The following SLC10A7 variants were observed in gnomAD, a reference collection of about 807,000 sequenced individuals.
SLC10A7 encodes the protein solute carrier family 10 member 7, also known as sodium/bile acid cotransporter 7.
SLC10A7 carries 29 observed loss-of-function variants against 43.2 expected under a neutral mutation model. The ratio of observed to expected loss-of-function variants is 0.67; its 90% CI spans 0.50 to 0.92. SLC10A7 has a LOEUF of 0.92. SLC10A7 is among the 40% of genes least tolerant of loss of function. The pLI is 0.00. For missense variants in SLC10A7, 295 were observed against 403.2 expected, an observed-to-expected ratio of 0.73 and a Z score of 2.30; for synonymous variants, 152 against 144.8, an observed-to-expected ratio of 1.05 and a Z score of -0.35.
intron 5 of SLC10A7, among the ~76,000 whole-genome samples, chr4:146,334,538 T>C (rs1005961958): frequency 6.6e-6 from 1 of 152,052 alleles, no homozygotes; most frequent in Non-Finnish European, 1.5e-5. Flanking sequence ...TGGAGTTCGT[T>C]GTTTTTGGTT....
At chr4:146,365,294 C>A in intron 5 of SLC10A7, among the ~76,000 whole-genome samples, 1 of 152,056 alleles carries the variant, frequency 6.6e-6, no homozygotes, top group East Asian at 1.9e-4. Context: ...CAAATATTTG[C>A]TTTCTTTTTG....
chr4:146,429,032 G>T (rs142009534), intron 5 of SLC10A7, among the ~76,000 whole-genome samples: 2,659 of 151,844 alleles, frequency 0.018, 69 homozygotes, highest in African/African-American at 0.061. Context: ...TTCTTTAGTA[G>T]AAAAAAAATC....
chr4:146,441,644 A>C lies in SLC10A7; in HGVS notation c.435+1139T>G, dbSNP rs765037972. 963 of 958,100 alleles carry C rather than the reference A, an allele frequency of 1.0e-3. 4 individuals are homozygous for C. Among genetic ancestry groups the C allele is most frequent in the Non-Finnish European group, 1.1e-3 (915 of 805,292 alleles). The allele number at this position is 958,100 out of a possible 1,614,324, so 59.3% of individuals were successfully genotyped here. A position where few individuals can be genotyped will look rare whatever the true frequency, so the allele number is the denominator to read the frequency against. On this transcript the variant is annotated intron_variant, in intron 5 of 11. Transcript: ENST00000335472. ...TGACTTAAAATATTACTGAGTCTAA[A>C]CTAAGCAATCCGAGAGATTATTTTT...
At chr4:146,372,686 T>C (rs1024057897) in intron 5 of SLC10A7, among the ~76,000 whole-genome samples, 5 of 152,290 alleles carry the variant, frequency 3.3e-5, no homozygotes, top group Non-Finnish European at 7.3e-5. Context: ...TTAATAAGAT[T>C]ATGTTTTCCT....
chr4:146,509,884 T>C, intron 3 of SLC10A7, 29 bp downstream of exon 3: 1 of 1,599,288 alleles, frequency 6.3e-7, no homozygotes, highest in Non-Finnish European at 8.5e-7. Flanking sequence ...CCATTAAAAG[T>C]GGACCCACTT....
At chr4:146,302,112 G>A (rs1004940743) in intron 7 of SLC10A7, among the ~76,000 whole-genome samples, 1 of 152,100 alleles carries the variant, frequency 6.6e-6, no homozygotes, top group African/African-American at 2.4e-5. Context: ...TATGTTTTAA[G>A]CCAAGCATTT....
chr4:146,360,763 T>G (rs2149762856), intron 5 of SLC10A7, among the ~76,000 whole-genome samples: 2 of 152,268 alleles, frequency 1.3e-5, no homozygotes, highest in South Asian at 4.2e-4. Flanking sequence ...AGCCTCTCTT[T>G]CTTTTTAAAT....
At chr4:146,324,178 A>C (rs953953284) in intron 6 of SLC10A7, among the ~76,000 whole-genome samples, 4 of 152,234 alleles carry the variant, frequency 2.6e-5, no homozygotes, top group African/African-American at 9.6e-5. Flanking sequence ...AAAAGAAGAT[A>C]CAAACAAATG....
chr4:146,277,845 A>C (rs1172505272), intron 10 of SLC10A7, among the ~76,000 whole-genome samples: 2 of 8,552 alleles, frequency 2.3e-4, no homozygotes, highest in Non-Finnish European at 3.1e-4. Flanking sequence ...ATAACTTTTT[A>C]TTTTATTAAT....
At chr4:146,343,623 G>A (rs1734419134) in intron 5 of SLC10A7, among the ~76,000 whole-genome samples, 1 of 151,990 alleles carries the variant, frequency 6.6e-6, no homozygotes, top group African/African-American at 2.4e-5. Context: ...TCCATGATGA[G>A]CTACTGATTT....
intron 6 of SLC10A7, among the ~76,000 whole-genome samples, chr4:146,314,592 G>A (rs1455255834): frequency 6.6e-6 from 1 of 152,110 alleles, no homozygotes; most frequent in Non-Finnish European, 1.5e-5. Context: ...GAGTGGGTGA[G>A]CATGTAGGCC....
intron 9 of SLC10A7, among the ~76,000 whole-genome samples, chr4:146,292,015 G>C (rs1309024974): frequency 6.6e-6 from 1 of 152,220 alleles, no homozygotes; most frequent in African/African-American, 2.4e-5. Flanking sequence ...CCAGGACATG[G>C]AGACTAATTT....
At chr4:146,382,948 G>A (rs147142565) in intron 5 of SLC10A7, among the ~76,000 whole-genome samples, 43 of 151,910 alleles carry the variant, frequency 2.8e-4, no homozygotes, top group Middle Eastern at 3.4e-3. Flanking sequence ...CATCAATATC[G>A]GTGAAACTTT....
chr4:146,320,470 A>T (rs765032460), intron 6 of SLC10A7, among the ~76,000 whole-genome samples: 19 of 152,056 alleles, frequency 1.2e-4, no homozygotes, highest in Non-Finnish European at 2.2e-4. Context: ...TCCAGTGAAG[A>T]ACTTTTGATT....
At position 146,335,251 on chromosome 4, in the gene SLC10A7, T is replaced by TA. The variant is rs34522588; in HGVS notation, c.436-9256dup. Among the ~76,000 whole-genome samples the TA allele has an allele frequency of 2.4e-3, 222 of 92,646 alleles. 4 individuals are homozygous for TA. Among genetic ancestry groups the TA allele is most frequent in the Non-Finnish European group, 3.2e-3 (157 of 48,518 alleles). 60.8% of individuals were successfully genotyped at this position (92,646 alleles called of 152,430 possible). A position where few individuals can be genotyped will look rare whatever the true frequency, so the allele number is the denominator to read the frequency against. The stretch of plus-strand genomic sequence containing the variant: ...CATTAAAGTGTTGCCACAGATGTTG[T>TA]AAAAAAAAAAAAAAAAAAAAAAAAA... On this transcript the variant is annotated intron_variant, in intron 5 of 11. Coordinates refer to ENST00000335472, the MANE Select transcript of SLC10A7 (RefSeq NM_001029998.6).
intron 5 of SLC10A7, among the ~76,000 whole-genome samples, chr4:146,424,674 A>AAAAAAC (rs1051101303): frequency 1.1e-4 from 17 of 152,006 alleles, no homozygotes; most frequent in African/African-American, 3.9e-4. Flanking sequence ...AAAAACAAAA[A>AAAAAAC]AAAAACAAAA....
chr4:146,424,448 G>A (rs1050701424), intron 5 of SLC10A7, among the ~76,000 whole-genome samples: 9 of 152,104 alleles, frequency 5.9e-5, no homozygotes, highest in Non-Finnish European at 1.3e-4. Flanking sequence ...ACCACCTGAG[G>A]TCAGGAGTTA....
At chr4:146,397,355 TAAC>T (rs1469589230) in intron 5 of SLC10A7, among the ~76,000 whole-genome samples, 2 of 152,176 alleles carry the variant, frequency 1.3e-5, no homozygotes, top group Non-Finnish European at 2.9e-5. Context: ...TCTTCCAACT[TAAC>T]AACTCAAACA....
In SLC10A7 at chr4:146,266,452, CACACACAT is replaced by C. The variant is rs1452238697; in HGVS notation, c.848-7623_848-7616del. Among the ~76,000 whole-genome samples the C allele has an allele frequency of 4.1e-3, 630 of 152,154 alleles. 2 individuals carry two copies. The highest frequency in any genetic ancestry group is 0.014 in the African/African-American group (577 of 41,508). On this transcript the variant is annotated intron_variant, in intron 10 of 11. Transcript: ENST00000335472. ...ACACACACACACACATGCACGCACA[CACACACAT>C]ACACACAGACTTTCTCTTCAGAGAC...
Sources: gnomAD v4.1 joint callset for allele counts (sites outside exome capture counted in the v4.1 genomes callset) on GRCh38, gnomAD v4.1.1 for gene constraint, MANE v1.5 for transcripts, NCBI Gene and HGNC (gene_info 2026-07-23, HGNC 2026-07-21) for gene names.